Variants in CTIF observed in about 807,000 individuals in gnomAD.
CTIF encodes the protein CBP80/20-dependent translation initiation factor.
In CTIF, 21 loss-of-function variants were observed where a neutral mutation model predicts 66.0. The observed-to-expected ratio is 0.32, with a 90% CI of 0.23 to 0.46. The LOEUF is 0.46. Among genes scored for constraint, CTIF ranks in the 20% least tolerant of loss-of-function variants. The pLI is 1.00. For missense variants in CTIF, 739 were observed against 812.7 expected, an observed-to-expected ratio of 0.91 and a Z score of 1.10; for synonymous variants, 345 against 326.4, an observed-to-expected ratio of 1.06 and a Z score of -0.62.
At chr18:48,586,597 C>T (rs1386687785) in intron 1 of CTIF, among the ~76,000 whole-genome samples, 2 of 152,166 alleles carry the variant, frequency 1.3e-5, no homozygotes, top group East Asian at 1.9e-4. Flanking sequence ...TAAAATTGTA[C>T]CAAAGTTTCC....
At chr18:48,585,816 C>T (rs1169957040) in intron 1 of CTIF, among the ~76,000 whole-genome samples, 2 of 152,188 alleles carry the variant, frequency 1.3e-5, no homozygotes, top group African/African-American at 4.8e-5. Flanking sequence ...GCGTTTCAGC[C>T]GTCGACCCAG....
intron 5 of CTIF, among the ~76,000 whole-genome samples, chr18:48,666,200 T>C (rs1417875344): frequency 6.6e-6 from 1 of 152,216 alleles, no homozygotes; most frequent in East Asian, 1.9e-4. Context: ...CCTCCCCTGC[T>C]CACTCTTGTC....
At chr18:48,810,188 T>C (rs2068230874) in intron 9 of CTIF, among the ~76,000 whole-genome samples, 1 of 152,146 alleles carries the variant, frequency 6.6e-6, no homozygotes, top group African/African-American at 2.4e-5. Context: ...ATATCTGTTT[T>C]ACGCTTACAG....
intron 7 of CTIF, among the ~76,000 whole-genome samples, chr18:48,718,618 G>T (rs1376834991): frequency 6.6e-6 from 1 of 152,006 alleles, no homozygotes; most frequent in Non-Finnish European, 1.5e-5. Flanking sequence ...GTTCTGTTTG[G>T]GCCCTTGGCG....
chr18:48,766,827 C>G (rs1421555502), intron 9 of CTIF, among the ~76,000 whole-genome samples: 1 of 152,260 alleles, frequency 6.6e-6, no homozygotes, highest in Non-Finnish European at 1.5e-5. Flanking sequence ...GCCTCAGGCT[C>G]TTCTTGTCAT....
rs1014304044 is a variant in CTIF, at chr18:48,693,356, G to A, written c.508-18263G>A. Among the ~76,000 whole-genome samples the A allele has an allele frequency of 3.3e-5, 5 of 152,114 alleles. No individual in the cohort carries two copies. In the East Asian group the frequency reaches 7.7e-4, roughly 23 times the overall value. On this transcript the variant is annotated intron_variant, in intron 6 of 11. Coordinates refer to ENST00000256413, the MANE Select transcript of CTIF (RefSeq NM_014772.3). ...CTTTTAGTCTGAGGCAGTGGTTCTC[G>A]ACCACGTTGTAGACTCGCCTGGGGA...
At chr18:48,759,554 A>G (rs1399869387) in intron 8 of CTIF, among the ~76,000 whole-genome samples, 1 of 152,194 alleles carries the variant, frequency 6.6e-6, no homozygotes, top group African/African-American at 2.4e-5. Context: ...TTTAGAGCGC[A>G]GCTGAGCAGG....
chr18:48,787,569 C>T (rs1180723180), intron 9 of CTIF, among the ~76,000 whole-genome samples: 5 of 152,166 alleles, frequency 3.3e-5, no homozygotes, highest in Non-Finnish European at 4.4e-5. Flanking sequence ...CCAGGCATTC[C>T]AACCAGGGAC....
intron 9 of CTIF, among the ~76,000 whole-genome samples, chr18:48,777,069 G>T (rs1230458045): frequency 1.3e-5 from 2 of 152,216 alleles, no homozygotes; most frequent in Non-Finnish European, 2.9e-5. Context: ...CTGCTAAAAT[G>T]CCTGTTGCTG....
At chr18:48,629,680 T>A (rs1426163337) in intron 2 of CTIF, among the ~76,000 whole-genome samples, 1 of 152,076 alleles carries the variant, frequency 6.6e-6, no homozygotes. Context: ...TAATCCAAGA[T>A]GACATATTGT....
At chr18:48,752,006 T>G (rs1416626488) in intron 7 of CTIF, among the ~76,000 whole-genome samples, 1 of 152,178 alleles carries the variant, frequency 6.6e-6, no homozygotes, top group Non-Finnish European at 1.5e-5. Context: ...AGAAAAGTCT[T>G]TGCCTGTAGG....
chr18:48,712,799 G>T (rs951984308), intron 7 of CTIF, among the ~76,000 whole-genome samples: 3 of 152,134 alleles, frequency 2.0e-5, no homozygotes, highest in African/African-American at 7.2e-5. Context: ...CCCTGAATAG[G>T]GATTATTAGG....
intron 2 of CTIF, 29 bp from the exon 3 acceptor site, chr18:48,636,585 G>A (rs369394467): frequency 1.6e-4 from 243 of 1,498,344 alleles, no homozygotes; most frequent in Non-Finnish European, 1.9e-4. Flanking sequence ...CTGTCCTGCC[G>A]TCACTGATCG....
chr18:48,822,397 G>T (rs2068501906), intron 10 of CTIF, among the ~76,000 whole-genome samples: 1 of 151,894 alleles, frequency 6.6e-6, no homozygotes, highest in South Asian at 2.1e-4. Flanking sequence ...ATGCATTGTT[G>T]TTAACCATAG....
intron 2 of CTIF, among the ~76,000 whole-genome samples, chr18:48,631,954 C>T (rs938995835): frequency 6.6e-6 from 1 of 152,186 alleles, no homozygotes; most frequent in African/African-American, 2.4e-5. Context: ...TCATTCTTGA[C>T]TCATCTCCTA....
intron 9 of CTIF, among the ~76,000 whole-genome samples, chr18:48,802,269 A>T (rs2068063404): frequency 6.6e-6 from 1 of 152,188 alleles, no homozygotes; most frequent in African/African-American, 2.4e-5. Flanking sequence ...CATGTCATGG[A>T]TAAGACCTAC....
At position 48,842,288 on chromosome 18, in the gene CTIF, G is replaced by C. The variant is rs189826511; in HGVS notation, c.1528-15300G>C. On this transcript the variant is annotated intron_variant, in intron 10 of 11. Transcript: ENST00000256413. ...GAGTAGAACGAGGGTGGTGGGGCCT[G>C]AGTGTGAAAAACCAGGCCTCGCTCA... 3.1e-3 allele frequency among the ~76,000 whole-genome samples: 471 copies of C among 152,226 alleles called. 3 individuals are homozygous for C. The highest frequency in any genetic ancestry group is 0.011 in the African/African-American group (441 of 41,510).
intron 10 of CTIF, among the ~76,000 whole-genome samples, chr18:48,824,538 TATC>T (rs1425799753): frequency 6.6e-6 from 1 of 152,190 alleles, no homozygotes; most frequent in Admixed American, 6.5e-5. Context: ...TCTTCTAGGT[TATC>T]ATTGAATGCC....
At chr18:48,593,673 C>T (rs1214257084) in intron 1 of CTIF, among the ~76,000 whole-genome samples, 1 of 152,004 alleles carries the variant, frequency 6.6e-6, no homozygotes, top group Non-Finnish European at 1.5e-5. Context: ...TGAGCCACCA[C>T]ACCCGGCCAA....
Sources: gnomAD v4.1 joint callset for allele counts (sites outside exome capture counted in the v4.1 genomes callset) on GRCh38, gnomAD v4.1.1 for gene constraint, MANE v1.5 for transcripts, NCBI Gene and HGNC (gene_info 2026-07-23, HGNC 2026-07-21) for gene names.